Variants in SLC44A5 observed in about 807,000 individuals in gnomAD.
SLC44A5 encodes choline transporter-like protein 5.
Under a neutral mutation model 101.8 loss-of-function variants are expected in SLC44A5, and 57 were observed. The observed-to-expected ratio is 0.56, with a 90% CI of 0.45 to 0.70. The LOEUF is 0.70. SLC44A5 is among the 30% of genes least tolerant of loss of function. The pLI, the probability that SLC44A5 is intolerant of heterozygous loss-of-function variation, is 0.00. For missense variants in SLC44A5, 737 were observed against 853.1 expected, an observed-to-expected ratio of 0.86 and a Z score of 1.70; for synonymous variants, 281 against 290.9, an observed-to-expected ratio of 0.97 and a Z score of 0.35.
At chr1:75,605,258 G>C (rs1047297430) in intron 1 of SLC44A5, among the ~76,000 whole-genome samples, 1 of 151,912 alleles carries the variant, frequency 6.6e-6, no homozygotes, top group Admixed American at 6.6e-5. Flanking sequence ...GATTCTACAA[G>C]AAAATTTTCA....
chr1:75,627,039 T>A, the SLC44A5 span, among the ~76,000 whole-genome samples: 5 of 152,196 alleles, frequency 3.3e-5, no homozygotes, highest in Admixed American at 2.0e-4. Flanking sequence ...TCAATCACAT[T>A]GTTTTTTCAC....
At chr1:75,717,720 A>C in the SLC44A5 span, among the ~76,000 whole-genome samples, 1 of 152,352 alleles carries the variant, frequency 6.6e-6, no homozygotes, top group Non-Finnish European at 1.5e-5. Context: ...GAATCTTCAA[A>C]TGGTTATTAA....
intron 2 of SLC44A5, among the ~76,000 whole-genome samples, chr1:75,472,080 GT>G (rs1348080198): frequency 2.3e-5 from 2 of 87,182 alleles, no homozygotes; most frequent in African/African-American, 6.9e-5. Flanking sequence ...ATCCCCCTGG[GT>G]TTAAAAAAAA....
At chr1:75,469,900 G>GAAAAA (rs1171157547) in intron 2 of SLC44A5, among the ~76,000 whole-genome samples, 125 of 80,284 alleles carry the variant, frequency 1.6e-3, no homozygotes, top group Admixed American at 1.9e-3. Flanking sequence ...ACCTTGTGAA[G>GAAAAA]AAAAAAAAAA....
intron 2 of SLC44A5, among the ~76,000 whole-genome samples, chr1:75,470,854 G>A (rs1439590453): frequency 6.6e-6 from 1 of 152,140 alleles, no homozygotes; most frequent in Non-Finnish European, 1.5e-5. Context: ...TAAGCTACGA[G>A]TATGGACTTG....
intron 4 of SLC44A5, among the ~76,000 whole-genome samples, chr1:75,303,869 G>A (rs1654699169): frequency 6.6e-6 from 1 of 152,106 alleles, no homozygotes; most frequent in African/African-American, 2.4e-5. Flanking sequence ...ACGAGTTAAT[G>A]GGTGCAGCAC....
chr1:75,368,617 T>C (rs904791654), intron 3 of SLC44A5, among the ~76,000 whole-genome samples: 3 of 150,498 alleles, frequency 2.0e-5, no homozygotes, highest in Non-Finnish European at 4.4e-5. Context: ...TTGATTTTGC[T>C]CTCTCTGTCT....
intron 5 of SLC44A5, among the ~76,000 whole-genome samples, chr1:75,293,452 A>G (rs1653723693): frequency 1.3e-5 from 2 of 152,134 alleles, no homozygotes; most frequent in African/African-American, 4.8e-5. Context: ...CTGGTTGGGA[A>G]TGTTGGCTTT....
intron 2 of SLC44A5, among the ~76,000 whole-genome samples, chr1:75,452,006 C>T (rs1383012772): frequency 6.6e-6 from 1 of 152,132 alleles, no homozygotes; most frequent in African/African-American, 2.4e-5. Context: ...TATTTCCCTA[C>T]TCTGCTAGAG....
intron 1 of SLC44A5, among the ~76,000 whole-genome samples, chr1:75,569,044 T>C (rs1672928705): frequency 6.6e-6 from 1 of 152,168 alleles, no homozygotes; most frequent in Non-Finnish European, 1.5e-5. Context: ...GAACCATTCC[T>C]CTTCACATGC....
chr1:75,466,186 A>C (rs1666803859), intron 2 of SLC44A5, among the ~76,000 whole-genome samples: 1 of 152,214 alleles, frequency 6.6e-6, no homozygotes, highest in African/African-American at 2.4e-5. Context: ...TCATGACCAA[A>C]TGGGATTTAT....
At chr1:75,242,647 T>C (rs1648738039) in intron 8 of SLC44A5, among the ~76,000 whole-genome samples, 1 of 152,102 alleles carries the variant, frequency 6.6e-6, no homozygotes, top group African/African-American at 2.4e-5. Flanking sequence ...TGTCGGGGAA[T>C]AGTAGAAGCT....
At chr1:75,236,598 G>A (rs1298332146) in intron 11 of SLC44A5, among the ~76,000 whole-genome samples, 1 of 151,978 alleles carries the variant, frequency 6.6e-6, no homozygotes, top group Non-Finnish European at 1.5e-5. Context: ...AGTCAAGGGA[G>A]GGACGAATTA....
chr1:75,679,701 C>G, the SLC44A5 span, among the ~76,000 whole-genome samples: 19 of 152,060 alleles, frequency 1.2e-4, no homozygotes, highest in Non-Finnish European at 2.1e-4. Context: ...GAAACTGCAT[C>G]AACTAACAAG....
chr1:75,395,712 C>T (rs1662081252), intron 3 of SLC44A5, among the ~76,000 whole-genome samples: 1 of 151,998 alleles, frequency 6.6e-6, no homozygotes, highest in Admixed American at 6.6e-5. Flanking sequence ...TGATGTTTTG[C>T]TCTATGTATA....
the SLC44A5 span, among the ~76,000 whole-genome samples, chr1:75,716,236 T>C: frequency 7.5e-4 from 114 of 152,246 alleles, no homozygotes; most frequent in Middle Eastern, 3.4e-3. Context: ...TCCCACTACT[T>C]TGGGAGGCCG....
intron 3 of SLC44A5, among the ~76,000 whole-genome samples, chr1:75,369,601 T>A (rs1214488944): frequency 2.0e-5 from 3 of 152,180 alleles, no homozygotes; most frequent in Admixed American, 6.5e-5. Flanking sequence ...GGGAAAAATG[T>A]AAATGTCTCC....
intron 6 of SLC44A5, among the ~76,000 whole-genome samples, chr1:75,259,105 C>A (rs1478597336): frequency 6.6e-6 from 1 of 152,090 alleles, no homozygotes; most frequent in Non-Finnish European, 1.5e-5. Flanking sequence ...ATTCCAAAAA[C>A]CAGAATGCAT....
At chr1:75,645,930 T>C in the SLC44A5 span, among the ~76,000 whole-genome samples, 1 of 135,144 alleles carries the variant, frequency 7.4e-6, no homozygotes, top group African/African-American at 2.5e-5. Context: ...TTCTCAAAGA[T>C]CAGATAGTTG....
Sources: gnomAD v4.1 joint callset for allele counts (sites outside exome capture counted in the v4.1 genomes callset) on GRCh38, gnomAD v4.1.1 for gene constraint, MANE v1.5 for transcripts, NCBI Gene and HGNC (gene_info 2026-07-23, HGNC 2026-07-21) for gene names.